The following SAMD5 variants were observed in gnomAD, a reference collection of about 807,000 sequenced individuals.
The protein encoded by SAMD5 is sterile alpha motif domain containing 5, also known as sterile alpha motif domain-containing protein 5.
In SAMD5, 13 loss-of-function variants were observed where a neutral mutation model predicts 11.3. The observed-to-expected ratio is 1.15, with a 90% CI of 0.75 to 1.83. The LOEUF (loss-of-function observed/expected upper bound fraction) is 1.83, where lower values mean the gene tolerates loss of function less well. Ranked by LOEUF, SAMD5 falls within the 40% of genes most tolerant of loss-of-function variation. The pLI is 0.00. For missense variants in SAMD5, 255 were observed against 239.1 expected, an observed-to-expected ratio of 1.07 and a Z score of -0.44; for synonymous variants, 129 against 111.3, an observed-to-expected ratio of 1.16 and a Z score of -1.00.
rs148774263 is a variant in SAMD5 at position 147,678,430 on chromosome 6, G to T, written c.163-58887G>T. On this transcript the variant is annotated intron_variant, in intron 1 of 1. Transcript: ENST00000566741. ...AATGCTTCATAACAACCAACAAAGG[G>T]GTTGCATTTTTTCAGCTTGGCAGAT... Among the ~76,000 whole-genome samples the T allele has an allele frequency of 2.8e-3, 430 of 152,248 alleles. 1 individual carries two copies. Among genetic ancestry groups the T allele is most frequent in the African/African-American group, 9.9e-3 (412 of 41,540 alleles).
rs978758078 is a variant in SAMD5, at chr6:147,711,520, T to A, written c.163-25797T>A. On this transcript the variant is annotated intron_variant, in intron 1 of 1. Coordinates refer to the SAMD5 transcript ENST00000566741. This position sits in a 1 kb window ranked among gnomAD's most constrained non-coding sequence, Gnocchi z 4.1. ...AGAAAGAAGCTCAAAACAAACCCAC[T>A]GGCCTATTTTTGTTAATCACTATAA... 3.9e-5 allele frequency among the ~76,000 whole-genome samples: 6 copies of A among 152,188 alleles called. No individual in the cohort carries two copies. The highest frequency in any genetic ancestry group is 1.4e-4 in the African/African-American group (6 of 41,444).
chr6:147,686,994 A>G (rs1791021433), intron 1 of SAMD5, among the ~76,000 whole-genome samples: 1 of 149,242 alleles, frequency 6.7e-6, no homozygotes, highest in Non-Finnish European at 1.5e-5. Flanking sequence ...TTCCATGGAA[A>G]TTCAGAATCA....
intron 1 of SAMD5, among the ~76,000 whole-genome samples, chr6:147,552,867 A>G (rs1788796586): frequency 6.6e-6 from 1 of 152,232 alleles, no homozygotes; most frequent in South Asian, 2.1e-4. Flanking sequence ...GTTAATGACT[A>G]AACAGTGCTT....
At chr6:147,946,556 A>G in the SAMD5 span, among the ~76,000 whole-genome samples, 1 of 152,198 alleles carries the variant, frequency 6.6e-6, no homozygotes, top group Non-Finnish European at 1.5e-5. Context: ...GATCTTCACA[A>G]GACTTAAGTA....
intron 1 of SAMD5, among the ~76,000 whole-genome samples, chr6:147,605,688 T>C (rs936630335): frequency 6.6e-6 from 1 of 152,148 alleles, no homozygotes; most frequent in Non-Finnish European, 1.5e-5. Flanking sequence ...TTTCCTAAAT[T>C]CCACAGAATT....
the SAMD5 span, among the ~76,000 whole-genome samples, chr6:147,937,989 AT>A: frequency 6.6e-6 from 1 of 152,210 alleles, no homozygotes; most frequent in East Asian, 1.9e-4. Flanking sequence ...TTCATGGTTG[AT>A]TAAGTTGAGT....
intron 1 of SAMD5, among the ~76,000 whole-genome samples, chr6:147,603,829 C>T (rs1460704477): frequency 1.3e-5 from 2 of 152,076 alleles, no homozygotes; most frequent in Non-Finnish European, 2.9e-5. Context: ...AGCTATCTTC[C>T]TTACTGGGAG....
At chr6:147,580,316 T>G (rs2128446147) in intron 1 of SAMD5, among the ~76,000 whole-genome samples, 1 of 152,328 alleles carries the variant, frequency 6.6e-6, no homozygotes, top group South Asian at 2.1e-4. Flanking sequence ...GACAACCTTT[T>G]CCTAAACATC....
intron 1 of SAMD5, among the ~76,000 whole-genome samples, chr6:147,727,161 A>T (rs1006630095): frequency 6.6e-5 from 10 of 152,118 alleles, no homozygotes; most frequent in African/African-American, 1.9e-4. Flanking sequence ...TTGCCCTTAC[A>T]CATACTGTGT....
At chr6:147,549,811 A>T (rs1788740748) in intron 1 of SAMD5, among the ~76,000 whole-genome samples, 1 of 152,068 alleles carries the variant, frequency 6.6e-6, no homozygotes, top group Non-Finnish European at 1.5e-5. Context: ...TATAGCATGG[A>T]GGATTATACT....
chr6:147,565,231 G>C lies in SAMD5; in HGVS notation c.*775G>C, dbSNP rs146080619. On this transcript the variant is annotated 3_prime_UTR_variant, in exon 2 of 2. Transcript: ENST00000367474. Reference sequence around the variant, plus strand: ...TTCTTGCACTCTGTGGAGACTGCCAGGGCCGCAGCTCACAGCCTGTTCTGA... The same window carrying C: ...TTCTTGCACTCTGTGGAGACTGCCACGGCCGCAGCTCACAGCCTGTTCTGA... The C allele has an allele frequency of 1.0e-6, 1 of 985,874 alleles. No homozygotes were observed. Among genetic ancestry groups the C allele is most frequent in the African/African-American group, 1.7e-5 (1 of 57,352 alleles). The allele number at this position is 985,874 out of a possible 1,614,324, so 61.1% of individuals were successfully genotyped here.
At chr6:147,768,546 CAA>C in the SAMD5 span, among the ~76,000 whole-genome samples, 1 of 151,940 alleles carries the variant, frequency 6.6e-6, no homozygotes, top group Non-Finnish European at 1.5e-5. Flanking sequence ...AAAAACAAAA[CAA>C]AGAATAGTGA....
At chr6:147,551,185 G>T (rs1355023573) in intron 1 of SAMD5, among the ~76,000 whole-genome samples, 1 of 152,222 alleles carries the variant, frequency 6.6e-6, no homozygotes, top group Non-Finnish European at 1.5e-5. Flanking sequence ...TTTAGGAATT[G>T]AATTGGCCAA....
the SAMD5 span, among the ~76,000 whole-genome samples, chr6:147,880,527 G>A: frequency 2.0e-5 from 3 of 152,182 alleles, no homozygotes; most frequent in African/African-American, 4.8e-5. Context: ...TAATAGAAAA[G>A]GTCAAGGAGA....
At chr6:147,656,953 T>C (rs1790580200) in intron 1 of SAMD5, among the ~76,000 whole-genome samples, 1 of 150,970 alleles carries the variant, frequency 6.6e-6, no homozygotes. Context: ...GTATTCATTG[T>C]TCATTGAAGC....
chr6:147,863,838 CTTT>C, the SAMD5 span, among the ~76,000 whole-genome samples: 51 of 90,904 alleles, frequency 5.6e-4, no homozygotes, highest in African/African-American at 1.8e-3. Flanking sequence ...TTTCTTTCCA[CTTT>C]TTTTTTTTTT....
At chr6:147,804,894 A>G in the SAMD5 span, among the ~76,000 whole-genome samples, 1 of 152,378 alleles carries the variant, frequency 6.6e-6, no homozygotes, top group African/African-American at 2.4e-5. Context: ...ATTTGATTAG[A>G]GTGAAATGAA....
chr6:147,819,314 T>G, the SAMD5 span, among the ~76,000 whole-genome samples: 1 of 151,940 alleles, frequency 6.6e-6, no homozygotes, highest in Non-Finnish European at 1.5e-5. Context: ...CAACACACAC[T>G]GGGGCCTACT....
Position 147,700,385 on chromosome 6 carries a change from G to A in SAMD5, c.163-36932G>A, listed in dbSNP as rs1357001707. On this transcript the variant is annotated intron_variant, in intron 1 of 1. Coordinates refer to the SAMD5 transcript ENST00000566741. ...ATAGAGCTGTTTTAATGAAAAGCAGGTGCATAGTTTAGATTTCACCCCCAT... is the reference window on the plus strand; with the variant it reads ...ATAGAGCTGTTTTAATGAAAAGCAGATGCATAGTTTAGATTTCACCCCCAT... Among the ~76,000 whole-genome samples, 6 of 152,268 alleles carry A rather than the reference G, an allele frequency of 3.9e-5. No individual in the cohort carries two copies. In the South Asian group the frequency reaches 6.2e-4, roughly 16 times the overall value.
Sources: allele counts gnomAD v4.1 joint callset (sites outside exome capture counted in the v4.1 genomes callset), GRCh38; gene constraint gnomAD v4.1.1; non-coding constraint Gnocchi (gnomAD v3.1); transcripts MANE v1.5; gene names NCBI Gene and HGNC (gene_info 2026-07-23, HGNC 2026-07-21).